KAZN: variants seen among roughly 807,000 people sequenced by gnomAD.
The protein encoded by KAZN is kazrin.
In KAZN, 40 loss-of-function variants were observed where a neutral mutation model predicts 87.4. That is an observed-to-expected ratio of 0.46 (90% confidence interval 0.36 to 0.60). The LOEUF (loss-of-function observed/expected upper bound fraction) is 0.60. Ranked by LOEUF, KAZN falls within the 20% of genes least tolerant of loss-of-function variation. The probability of loss-of-function intolerance (pLI) is 0.00; values close to 1 mark genes in which losing one functional copy is unlikely to be tolerated. For missense variants in KAZN, 898 were observed against 1,073.9 expected, an observed-to-expected ratio of 0.84 and a Z score of 2.29; for synonymous variants, 466 against 458.3, an observed-to-expected ratio of 1.02 and a Z score of -0.22.
At chr1:14,081,098 TG>T (rs1643657749) in intron 1 of KAZN, among the ~76,000 whole-genome samples, 1 of 150,914 alleles carries the variant, frequency 6.6e-6, no homozygotes. Context: ...TGGACACACA[TG>T]GTGTTGGTTT....
chr1:14,787,303 C>T (rs1721832), intron 1 of KAZN, among the ~76,000 whole-genome samples: 101,664 of 151,824 alleles, frequency 0.67, 34,487 homozygotes, highest in South Asian at 0.78. Context: ...GCGTTTTTCT[C>T]GTTACTCCCA....
intron 1 of KAZN, among the ~76,000 whole-genome samples, chr1:14,915,498 G>A (rs1657708593): frequency 6.6e-6 from 1 of 152,192 alleles, no homozygotes; most frequent in African/African-American, 2.4e-5. Flanking sequence ...CCAGAGCCAA[G>A]GGTCCCACTT....
chr1:14,789,760 CAAAAAAAAAAAAAAAAAAAAAAA>C (rs3032757), intron 1 of KAZN, among the ~76,000 whole-genome samples: 7 of 46,252 alleles, frequency 1.5e-4, no homozygotes, highest in East Asian at 1.8e-3. Context: ...TCCTCATTAC[CAAAAAAAAAAAAAAAAAAAAAAA>C]AAAAAAAAAA....
At chr1:14,201,408 G>T (rs1361346826) in intron 2 of KAZN, among the ~76,000 whole-genome samples, 1 of 152,188 alleles carries the variant, frequency 6.6e-6, no homozygotes, top group African/African-American at 2.4e-5. Context: ...CAGTCCCTGT[G>T]TCTCCAATGA....
At chr1:14,138,858 ATGGCTCTTCCAACAC>A (rs59268889) in intron 1 of KAZN, among the ~76,000 whole-genome samples, 83,871 of 151,720 alleles carry the variant, frequency 0.55, 24,516 homozygotes, top group East Asian at 0.72. Flanking sequence ...CAAGGCAGGC[ATGGCTCTTCCAACAC>A]TAAGAATGGA....
At chr1:14,092,082 A>G (rs1219436851) in intron 1 of KAZN, among the ~76,000 whole-genome samples, 1 of 132,040 alleles carries the variant, frequency 7.6e-6, no homozygotes, top group East Asian at 2.2e-4. Flanking sequence ...ATACTTTATT[A>G]TTTTCTTTTC....
At chr1:15,065,480 C>T (rs1639152873) in intron 7 of KAZN, 150 bp from the exon 8 acceptor site, 2 of 689,432 alleles carry the variant, frequency 2.9e-6, no homozygotes, top group East Asian at 2.7e-5. Flanking sequence ...GGTGGCTTCT[C>T]AGCCATCCCA....
chr1:14,717,318 ATCTCTACCC>A (rs1642846344), intron 1 of KAZN, among the ~76,000 whole-genome samples: 1 of 151,996 alleles, frequency 6.6e-6, no homozygotes. Flanking sequence ...AGAAAGACAC[ATCTCTACCC>A]TCATGGATTC....
chr1:15,094,902 G>A lies in KAZN; in HGVS notation c.1516G>A (p.Glu506Lys), dbSNP rs1217076482. The A allele has an allele frequency of 3.9e-6, 6 of 1,550,490 alleles. No homozygotes were observed. The highest frequency in any genetic ancestry group is 1.2e-5 in the South Asian group (1 of 84,048). The stretch of plus-strand genomic sequence containing the variant: ...CCGGCGCAAGCTGCGCCTGGCCATC[G>A]AGGACTACCGTGATGCCGAGGCAGG... ...LHRRKLRLAI[E>K]DYRDAEAGRS... The change falls in exon 10 of 15, where the codon GAG (glutamate) becomes AAG (lysine). Residue 506 changes from glutamate (E) to lysine (K), a missense_variant. Glu to Lys is a moderately conservative substitution (Grantham distance 56, BLOSUM62 1). This residue lies in a region of KAZN where 521 missense variants were observed against 689.4 expected (regional missense o/e 0.76). Transcript: ENST00000376030. The surrounding 1 kb of genome is among the most constrained non-coding windows in gnomAD (Gnocchi z 4.5).
At chr1:14,671,670 C>A (rs139297549) in intron 1 of KAZN, among the ~76,000 whole-genome samples, 1 of 152,062 alleles carries the variant, frequency 6.6e-6, no homozygotes, top group African/African-American at 2.4e-5. Flanking sequence ...TTTGAAACAT[C>A]CTAATTTTAT....
chr1:14,827,080 T>C (rs1646913017), intron 1 of KAZN, among the ~76,000 whole-genome samples: 1 of 152,114 alleles, frequency 6.6e-6, no homozygotes. Context: ...GGATGTTGGA[T>C]GCCTTTCCTC....
intron 2 of KAZN, among the ~76,000 whole-genome samples, chr1:14,544,265 A>T (rs1302512839): frequency 6.6e-6 from 1 of 151,302 alleles, no homozygotes; most frequent in Non-Finnish European, 1.5e-5. Flanking sequence ...AAGGGATCTC[A>T]AATTCTAAGA....
chr1:14,760,580 C>T (rs1362079916), intron 1 of KAZN, among the ~76,000 whole-genome samples: 1 of 152,162 alleles, frequency 6.6e-6, no homozygotes, highest in East Asian at 1.9e-4. Flanking sequence ...AATTTTTCTC[C>T]ACACAGCAGC....
chr1:14,383,677 C>T (rs1314916943), intron 2 of KAZN, among the ~76,000 whole-genome samples: 1 of 152,102 alleles, frequency 6.6e-6, no homozygotes, highest in African/African-American at 2.4e-5. Context: ...TGATCTCTCT[C>T]TCTGTTTTGG....
rs34725397 is a variant in KAZN, at chr1:14,477,425, C to CCTCTCT, written c.250-121544_250-121539dup. ...ATATACACTCCCAGGTAATTCATTC[C>CCTCTCT]CTCTCTCTCTCTCTCTCTCCCCCTC... On this transcript the variant is annotated intron_variant, in intron 2 of 16. Coordinates refer to the KAZN transcript ENST00000636203. 4.2e-5 allele frequency among the ~76,000 whole-genome samples: 6 copies of CCTCTCT among 142,336 alleles called. No homozygotes were observed. The East Asian group carries it at 1.2e-3, about 29-fold the overall frequency. The allele number at this position is 142,336 out of a possible 152,430, so 93.4% of individuals were successfully genotyped here.
At chr1:14,164,258 C>T (rs149534731) in intron 1 of KAZN, among the ~76,000 whole-genome samples, 5 of 152,116 alleles carry the variant, frequency 3.3e-5, no homozygotes, top group African/African-American at 1.2e-4. Flanking sequence ...CAAGTTGTCA[C>T]CCTGGGCACA....
At chr1:14,364,197 T>G (rs549069657) in intron 2 of KAZN, among the ~76,000 whole-genome samples, 1 of 152,244 alleles carries the variant, frequency 6.6e-6, no homozygotes, top group African/African-American at 2.4e-5. Context: ...CTGCCGCTGA[T>G]GCATCAGAGC....
intron 2 of KAZN, among the ~76,000 whole-genome samples, chr1:14,353,058 C>T (rs1270991411): frequency 6.6e-6 from 1 of 152,056 alleles, no homozygotes; most frequent in African/African-American, 2.4e-5. Context: ...ATCGTGACTC[C>T]TTATGTTGAA....
At chr1:14,483,493 C>T (rs1225565701) in intron 2 of KAZN, among the ~76,000 whole-genome samples, 1 of 152,120 alleles carries the variant, frequency 6.6e-6, no homozygotes, top group Non-Finnish European at 1.5e-5. Flanking sequence ...TGGATATAAA[C>T]CTCTGTTAAT....
Sources: gnomAD v4.1 joint callset for allele counts (sites outside exome capture counted in the v4.1 genomes callset) on GRCh38, gnomAD v4.1.1 for gene constraint, gnomAD v4.1.1 regional missense constraint, Gnocchi (gnomAD v3.1) non-coding constraint, MANE v1.5 for transcripts, NCBI Gene and HGNC (gene_info 2026-07-23, HGNC 2026-07-21) for gene names.